Variants in SPIRE1 observed in about 807,000 individuals in gnomAD.
SPIRE1 encodes the protein protein spire homolog 1.
SPIRE1 carries 40 observed loss-of-function variants against 94.1 expected under a neutral mutation model. That is an observed-to-expected ratio of 0.43 (90% CI 0.33 to 0.55). The LOEUF (loss-of-function observed/expected upper bound fraction) is 0.55. SPIRE1 is among the 20% of genes least tolerant of loss of function. SPIRE1 has a pLI of 0.06. For synonymous variants in SPIRE1, 376 were observed against 371.7 expected (o/e 1.01, Z -0.13); for missense variants, 838 against 975.2 (o/e 0.86, Z 1.87).
intron 3 of SPIRE1, among the ~76,000 whole-genome samples, chr18:12,545,708 C>T (rs1053611824): frequency 2.6e-5 from 4 of 151,988 alleles, no homozygotes; most frequent in Non-Finnish European, 4.4e-5. Context: ...ATATAAATAC[C>T]ACTAAGTAGG....
chr18:12,453,235 G>T, intron 13 of SPIRE1, 97 bp from the exon 14 acceptor site: 1 of 745,236 alleles, frequency 1.3e-6, no homozygotes. Context: ...TATAGGGGAA[G>T]CTGAACAGAC....
intron 7 of SPIRE1, among the ~76,000 whole-genome samples, chr18:12,494,665 T>C (rs1598410685): frequency 7.3e-6 from 1 of 137,754 alleles, no homozygotes; most frequent in Non-Finnish European, 1.6e-5. Flanking sequence ...CCGTCTCTAC[T>C]AAAAAAAAAA....
intron 2 of SPIRE1, among the ~76,000 whole-genome samples, chr18:12,593,067 G>C (rs973468676): frequency 6.6e-6 from 1 of 152,156 alleles, no homozygotes; most frequent in Non-Finnish European, 1.5e-5. Flanking sequence ...ATTACTCTTC[G>C]TGTTACAAAA....
intron 2 of SPIRE1, among the ~76,000 whole-genome samples, chr18:12,555,757 A>G (rs2035486196): frequency 6.6e-6 from 1 of 152,236 alleles, no homozygotes; most frequent in Non-Finnish European, 1.5e-5. Context: ...TAAGATCAGG[A>G]ACACGATAAG....
chr18:12,550,713 T>A (rs1206179622), intron 2 of SPIRE1, among the ~76,000 whole-genome samples: 2 of 152,206 alleles, frequency 1.3e-5, no homozygotes, highest in African/African-American at 4.8e-5. Context: ...CATTCCCATC[T>A]AACGTCTTTC....
At chr18:12,592,744 C>G (rs1334114302) in intron 2 of SPIRE1, among the ~76,000 whole-genome samples, 1 of 152,234 alleles carries the variant, frequency 6.6e-6, no homozygotes, top group South Asian at 2.1e-4. Flanking sequence ...TCTGAAAAAG[C>G]TCCTTAGGTG....
chr18:12,625,529 A>T (rs1187847029), intron 2 of SPIRE1, among the ~76,000 whole-genome samples: 1 of 152,248 alleles, frequency 6.6e-6, no homozygotes, highest in East Asian at 1.9e-4. Flanking sequence ...AAAAGAGTAG[A>T]TTCAATAATA....
In SPIRE1 at chr18:12,449,301, CT is replaced by C. The variant is rs565267466; in HGVS notation, c.*336del. 0.059 allele frequency: 14,217 copies of C among 239,882 alleles called. 1 individual carries two copies. Among genetic ancestry groups the C allele is most frequent in the South Asian group, 0.11 (1,881 of 17,160 alleles). The allele number at this position is 239,882 out of a possible 1,614,324, so 14.9% of individuals were successfully genotyped here. ...GTTAGACTGATTCTCGTAGGAGAAG[CT>C]TTTTTTTTTTGCCTTAGTCAGGAGA... is the stretch of plus-strand genomic sequence containing the variant. On this transcript the variant is annotated 3_prime_UTR_variant, in exon 17 of 17. Transcript: ENST00000409402.
chr18:12,536,554 G>T (rs2034847417), intron 3 of SPIRE1, among the ~76,000 whole-genome samples: 1 of 152,114 alleles, frequency 6.6e-6, no homozygotes, highest in Non-Finnish European at 1.5e-5. Context: ...TGGACCTCAG[G>T]GAAGCTGCCT....
chr18:12,628,203 C>G (rs1181963833), intron 2 of SPIRE1, among the ~76,000 whole-genome samples: 1 of 152,164 alleles, frequency 6.6e-6, no homozygotes, highest in Non-Finnish European at 1.5e-5. Context: ...CATTTTAAGT[C>G]TTTAATCCAT....
At chr18:12,544,559 G>C (rs1470855324) in intron 3 of SPIRE1, among the ~76,000 whole-genome samples, 1 of 150,830 alleles carries the variant, frequency 6.6e-6, no homozygotes, top group African/African-American at 2.4e-5. Context: ...TGCCCAGGCT[G>C]GTCTCAAACT....
intron 1 of SPIRE1, among the ~76,000 whole-genome samples, chr18:12,654,460 C>T (rs989586422): frequency 4.0e-5 from 6 of 150,324 alleles, no homozygotes; most frequent in African/African-American, 1.5e-4. Context: ...TCCTGGCTAA[C>T]ATGGTGAAAC....
chr18:12,556,277 A>G (rs2035500085), intron 2 of SPIRE1, among the ~76,000 whole-genome samples: 1 of 152,196 alleles, frequency 6.6e-6, no homozygotes, highest in Non-Finnish European at 1.5e-5. Context: ...AAAAATACCA[A>G]TGACATTCTT....
At chr18:12,501,079 A>C (rs1267549690) in intron 6 of SPIRE1, among the ~76,000 whole-genome samples, 4 of 81,596 alleles carry the variant, frequency 4.9e-5, no homozygotes, top group Non-Finnish European at 1.1e-4. Context: ...TCTCAAAAAA[A>C]AAAAAAAAAA....
At chr18:12,539,707 C>T (rs2034957343) in intron 3 of SPIRE1, among the ~76,000 whole-genome samples, 1 of 151,578 alleles carries the variant, frequency 6.6e-6, no homozygotes, top group Admixed American at 6.6e-5. Context: ...GGTGGATCAC[C>T]TGAGGTCAGG....
At chr18:12,501,072 C>CAAAAAAGAAAA (rs2033643910) in intron 6 of SPIRE1, among the ~76,000 whole-genome samples, 1 of 80,226 alleles carries the variant, frequency 1.2e-5, no homozygotes, top group East Asian at 5.1e-4. Flanking sequence ...AACTCTGTCT[C>CAAAAAAGAAAA]AAAAAAAAAA....
chr18:12,648,516 CTG>C (rs1292506244), intron 1 of SPIRE1, among the ~76,000 whole-genome samples: 1 of 152,020 alleles, frequency 6.6e-6, no homozygotes, highest in Non-Finnish European at 1.5e-5. Flanking sequence ...TCATGATAAA[CTG>C]TCACAGACCA....
At chr18:12,634,474 G>A (rs1025903441) in intron 2 of SPIRE1, among the ~76,000 whole-genome samples, 1 of 151,624 alleles carries the variant, frequency 6.6e-6, no homozygotes, top group Non-Finnish European at 1.5e-5. Context: ...TAAGAGCTCT[G>A]GATCTTAGCT....
In SPIRE1 at chr18:12,454,280, A is replaced by T. The variant is rs745489154; in HGVS notation, c.1776+66T>A. On this transcript the variant is annotated intron_variant, in intron 13 of 16. Coordinates refer to ENST00000409402, the MANE Select transcript of SPIRE1 (RefSeq NM_001128626.2). ...CACCTGGCTAGCAGATAACTCTCCC[A>T]GGAGACTATGCATGGGACTGGCCAT... 473 of 1,582,394 alleles carry T rather than the reference A, an allele frequency of 3.0e-4. 1 individual carries two copies. Among genetic ancestry groups the T allele is most frequent in the Middle Eastern group, 1.0e-3 (6 of 5,936 alleles).
Sources: gnomAD v4.1 joint callset for allele counts (sites outside exome capture counted in the v4.1 genomes callset) on GRCh38, gnomAD v4.1.1 for gene constraint, MANE v1.5 for transcripts, NCBI Gene and HGNC (gene_info 2026-07-23, HGNC 2026-07-21) for gene names.